Variants in FGFR3 observed in about 807,000 individuals in gnomAD.
The protein encoded by FGFR3 is FGFR-3.
Under a neutral mutation model 82.9 loss-of-function variants are expected in FGFR3, and 25 were observed. The observed-to-expected ratio is 0.30, with a 90% CI of 0.22 to 0.42. FGFR3 has a LOEUF of 0.42. Ranked by LOEUF, FGFR3 falls within the 10% of genes least tolerant of loss-of-function variation. FGFR3 has a pLI of 1.00. For synonymous variants in FGFR3, 620 were observed against 516.0 expected, an observed-to-expected ratio of 1.20 and a Z score of -2.73; for missense variants, 1,026 against 1,161.0, an observed-to-expected ratio of 0.88 and a Z score of 1.69.
intron 6 of FGFR3, 30 bp downstream of exon 6, chr4:1,801,773 G>C (rs1476495261): frequency 1.9e-6 from 3 of 1,591,606 alleles, no homozygotes; most frequent in African/African-American, 2.7e-5. Flanking sequence ...GCGGGGGTGG[G>C]GGCGGCAGTG....
chr4:1,804,209 G>T, intron 8 of FGFR3, 121 bp from the exon 9 acceptor site: 1 of 1,133,516 alleles, frequency 8.8e-7, no homozygotes, highest in East Asian at 2.4e-5. Context: ...GACAAGGCGC[G>T]TGCTGAGGTT....
chr4:1,808,732 C>G lies in FGFR3; in HGVS notation c.*1470C>G. 1 of 232,240 alleles carries G rather than the reference C, an allele frequency of 4.3e-6. No individual in the cohort carries two copies. The highest frequency in any genetic ancestry group is 8.5e-6 in the Non-Finnish European group (1 of 117,262). The allele number at this position is 232,240 out of a possible 1,614,324, so 14.4% of individuals were successfully genotyped here. ...GTCTGGGCAGCTGTCCCTTGCTTGC[C>G]TGCAGGGCCATGGCTCAGGGTGGTC... is the stretch of plus-strand genomic sequence containing the variant. On this transcript the variant is annotated 3_prime_UTR_variant, in exon 18 of 18. Transcript: ENST00000440486.
rs1393242229 is a variant in FGFR3, at chr4:1,807,551, C to T, written c.*289C>T. 5.6e-6 allele frequency: 4 copies of T among 712,768 alleles called. No individual in the cohort carries two copies. Among genetic ancestry groups the T allele is most frequent in the Non-Finnish European group, 1.0e-5 (4 of 386,896 alleles). 44.2% of individuals were successfully genotyped at this position (712,768 alleles called of 1,614,324 possible). A position where few individuals can be genotyped will look rare whatever the true frequency, so the allele number is the denominator to read the frequency against. On this transcript the variant is annotated 3_prime_UTR_variant, in exon 18 of 18. Coordinates refer to ENST00000440486, the MANE Select transcript of FGFR3 (RefSeq NM_000142.5). ...GAGGGGCCTTTGTTCTGGGGGGACC[C>T]AGTGCAGAATGTAAGTGGGCCCACC...
In FGFR3 at chr4:1,804,481, C is replaced by G. The variant is rs533316478; in HGVS notation, c.1227C>G (p.Pro409=). ...CCCCCAAGAAAGGCCTGGGCTCCCCCACCGTGCACAAGATCTCCCGCTTCC... is the reference window on the plus strand; with the variant it reads ...CCCCCAAGAAAGGCCTGGGCTCCCCGACCGTGCACAAGATCTCCCGCTTCC... ...RSPPKKGLGS[P]TVHKISRFPL... The change falls in exon 9 of 18, where the codon CCC becomes CCG. Residue 409 remains proline (P), a synonymous_variant. Coordinates refer to ENST00000440486, the MANE Select transcript of FGFR3 (RefSeq NM_000142.5). The G allele has an allele frequency of 3.7e-6, 6 of 1,613,136 alleles. No individual in the cohort carries two copies. Among genetic ancestry groups the G allele is most frequent in the Non-Finnish European group, 4.2e-6 (5 of 1,179,948 alleles).
intron 5 of FGFR3, 26 bp downstream of exon 5, chr4:1,801,562 C>G (rs1429420270): frequency 1.3e-6 from 2 of 1,576,756 alleles, no homozygotes; most frequent in African/African-American, 1.3e-5. Context: ...TGGCTCTGGG[C>G]CTGGCAGGCG....
rs368710663 is a variant in FGFR3 at position 1,806,986 on chromosome 4, G to A, written c.2274+52G>A. 1,526 of 1,561,688 alleles carry A rather than the reference G, an allele frequency of 9.8e-4. 1 individual carries two copies. Among genetic ancestry groups the A allele is most frequent in the Non-Finnish European group, 1.2e-3 (1,392 of 1,152,744 alleles). ...ACCCGCCTATGCCCCTCCCCCTGCC[G>A]TCCCCGGCCATCCTGCCCCCCAGAG... On this transcript the variant is annotated intron_variant, in intron 17 of 17. Transcript: ENST00000440486.
intron 2 of FGFR3, among the ~76,000 whole-genome samples, chr4:1,795,116 AT>A (rs1318615831): frequency 6.6e-6 from 1 of 150,948 alleles, no homozygotes; most frequent in Non-Finnish European, 1.5e-5. Context: ...GAACAATGTC[AT>A]TTTTTTTATG....
chr4:1,795,235 A>G (rs1348978889), intron 2 of FGFR3, among the ~76,000 whole-genome samples: 1 of 151,720 alleles, frequency 6.6e-6, no homozygotes, highest in African/African-American at 2.4e-5. Flanking sequence ...CCCCGCTTCC[A>G]GGGGTGCCGG....
chr4:1,804,111 G>C (rs904651471), intron 8 of FGFR3, among the ~76,000 whole-genome samples: 3 of 152,228 alleles, frequency 2.0e-5, no homozygotes, highest in African/African-American at 7.2e-5. Context: ...CCTGGTGGCG[G>C]TGTGGGACTG....
In FGFR3 at chr4:1,806,550, T is replaced by G. The variant is rs769602256; in HGVS notation, c.2035T>G (p.Ser679Ala). 1.2e-6 allele frequency: 2 copies of G among 1,612,984 alleles called. No homozygotes were observed. Among genetic ancestry groups the G allele is most frequent in the Admixed American group, 3.3e-5 (2 of 60,002 alleles). Residue 679 changes from serine to alanine, a missense_variant, in exon 16 of 18, where the codon TCC becomes GCC. Around this residue, in one of 9 missense-constraint regions of FGFR3, gnomAD observed 45 missense variants for 80.8 expected, o/e 0.56. Transcript: ENST00000440486. ...RVYTHQSDVW[S>A]FGVLLWEIFT... ...TGACCTCACCTTCCCCTGCAGCTGG[T>G]CCTTTGGGGTCCTGCTCTGGGAGAT...
intron 10 of FGFR3, 141 bp from the exon 11 acceptor site, chr4:1,805,214 C>G: frequency 6.8e-7 from 1 of 1,474,240 alleles, no homozygotes; most frequent in Non-Finnish European, 9.2e-7. Flanking sequence ...TCCTTACGAG[C>G]AGGCTGTAGG....
intron 2 of FGFR3, among the ~76,000 whole-genome samples, chr4:1,794,511 C>T (rs1270534059): frequency 1.3e-5 from 2 of 152,272 alleles, no homozygotes; most frequent in Non-Finnish European, 2.9e-5. Flanking sequence ...AAGCCCGGCC[C>T]CTGCCCGCCC....
rs1722281170 is a variant in FGFR3, at chr4:1,808,866, A to G, written c.*1604A>G. The G allele has an allele frequency of 1.4e-5, 3 of 221,274 alleles. No homozygotes were observed. The South Asian group carries it at 5.5e-4, about 41-fold the overall frequency. 13.7% of individuals were successfully genotyped at this position (221,274 alleles called of 1,614,324 possible). A position where few individuals can be genotyped will look rare whatever the true frequency, so the allele number is the denominator to read the frequency against. ...CGAAAAATAAAGACACCTGGTTGCT[A>G]ACCTGGCCCTGTGCTTTCTGTCTCC... On this transcript the variant is annotated 3_prime_UTR_variant, in exon 18 of 18. Transcript: ENST00000440486.
chr4:1,807,368 A>G lies in FGFR3; in HGVS notation c.*106A>G. 1 of 1,457,038 alleles carries G rather than the reference A, an allele frequency of 6.9e-7. No homozygotes were observed. The highest frequency in any genetic ancestry group is 9.3e-7 in the Non-Finnish European group (1 of 1,076,328). 90.3% of individuals were successfully genotyped at this position (1,457,038 alleles called of 1,614,324 possible). The stretch of plus-strand genomic sequence containing the variant: ...ACTCAGTGCAGATGGAGAGACAGCT[A>G]CACAGAGCTTTGGTCTGTGTGTGTG... On this transcript the variant is annotated 3_prime_UTR_variant, in exon 18 of 18. Coordinates refer to ENST00000440486, the MANE Select transcript of FGFR3 (RefSeq NM_000142.5).
chr4:1,801,830 C>CA lies in FGFR3; in HGVS notation c.740-4dup, dbSNP rs1560418133. ...GTGGCCCCTGAGCGTCATCTGCCCC[C>CA]ACAGAGCGCTCCCCGCACCGGCCCA... On this transcript the variant is annotated splice_polypyrimidine_tract_variant and splice_region_variant and intron_variant, in intron 6 of 17. Transcript: ENST00000440486. 2 of 1,604,914 alleles carry CA rather than the reference C, an allele frequency of 1.2e-6. No individual in the cohort carries two copies. Among genetic ancestry groups the CA allele is most frequent in the Admixed American group, 3.3e-5 (2 of 59,748 alleles).
intron 8 of FGFR3, 124 bp from the exon 9 acceptor site, chr4:1,804,206 C>T: frequency 2.8e-6 from 3 of 1,089,902 alleles, no homozygotes; most frequent in African/African-American, 1.6e-5. Flanking sequence ...CCAGACAAGG[C>T]GCGTGCTGAG....
rs756928026 is a variant in FGFR3 at position 1,806,074 on chromosome 4, C to T, written c.1860C>T (p.Ala620=). 8.7e-6 allele frequency: 14 copies of T among 1,613,498 alleles called. No individual in the cohort carries two copies. Among genetic ancestry groups the T allele is most frequent in the Middle Eastern group, 1.6e-4 (1 of 6,084 alleles). ...AGTGCATCCACAGGGACCTGGCTGC[C>T]CGCAATGTGCTGGTGACCGAGGACA... ...SQKCIHRDLA[A]RNVLVTEDNV... The change falls in exon 14 of 18, where the codon GCC becomes GCT. Residue 620 remains alanine (A), a synonymous_variant. Coordinates refer to ENST00000440486, the MANE Select transcript of FGFR3 (RefSeq NM_000142.5).
intron 7 of FGFR3, 74 bp from the exon 8 acceptor site, chr4:1,803,618 C>G: frequency 6.4e-7 from 1 of 1,569,270 alleles, no homozygotes; most frequent in Admixed American, 1.8e-5. Context: ...CGGCTGGATC[C>G]TGCCGTGTGG....
At position 1,807,585 on chromosome 4, in the gene FGFR3, C is replaced by G. The variant is rs376272599; in HGVS notation, c.*323C>G. 4.4e-6 allele frequency: 3 copies of G among 683,560 alleles called. No individual in the cohort carries two copies. The highest frequency in any genetic ancestry group is 8.2e-6 in the Non-Finnish European group (3 of 364,182). The allele number at this position is 683,560 out of a possible 1,614,324, so 42.3% of individuals were successfully genotyped here. On this transcript the variant is annotated 3_prime_UTR_variant, in exon 18 of 18. Coordinates refer to ENST00000440486, the MANE Select transcript of FGFR3 (RefSeq NM_000142.5). ...ATGTAAGTGGGCCCACCCGGTGGGA[C>G]CCCCGTGGGGCAGGGAGCTGGGCCC...
Sources: gnomAD v4.1 joint callset for allele counts (sites outside exome capture counted in the v4.1 genomes callset) on GRCh38, gnomAD v4.1.1 for gene constraint, gnomAD v4.1.1 regional missense constraint, MANE v1.5 for transcripts, NCBI Gene and HGNC (gene_info 2026-07-23, HGNC 2026-07-21) for gene names.